ROBO1: variants seen among roughly 807,000 people sequenced by gnomAD.
ROBO1 encodes roundabout guidance receptor 1.
A neutral mutation model predicts 195.9 loss-of-function variants in ROBO1; 149 were observed. The observed-to-expected ratio is 0.76, with a 90% CI of 0.67 to 0.87. ROBO1 has a LOEUF of 0.87. Ranked by LOEUF, ROBO1 falls within the 40% of genes least tolerant of loss-of-function variation. The pLI is 0.00. For synonymous variants in ROBO1, 816 were observed against 733.2 expected, an observed-to-expected ratio of 1.11 and a Z score of -1.82; for missense variants, 1,933 against 2,068.3, an observed-to-expected ratio of 0.93 and a Z score of 1.27.
At chr3:79,364,959 C>G (rs781614697) in intron 2 of ROBO1, among the ~76,000 whole-genome samples, 7 of 152,170 alleles carry the variant, frequency 4.6e-5, no homozygotes, top group Non-Finnish European at 7.3e-5. Context: ...GGAATACCCT[C>G]TTTCTGAATA....
Position 78,636,120 on chromosome 3 carries a change from G to A in ROBO1, c.3038-12C>T. On this transcript the variant is annotated splice_polypyrimidine_tract_variant and intron_variant, in intron 22 of 30. Coordinates refer to ENST00000464233, the MANE Select transcript of ROBO1 (RefSeq NM_002941.4). ...TGCTATACAATCAGCTATGTGCAAT[G>A]GAGAGGAAAAGGAAAAAATCATTCT... The A allele has an allele frequency of 6.4e-7, 1 of 1,569,524 alleles. No homozygotes were observed. Among genetic ancestry groups the A allele is most frequent in the Non-Finnish European group, 8.7e-7 (1 of 1,150,146 alleles).
At chr3:79,038,073 C>G (rs1241962970) in intron 3 of ROBO1, among the ~76,000 whole-genome samples, 1 of 152,078 alleles carries the variant, frequency 6.6e-6, no homozygotes, top group Non-Finnish European at 1.5e-5. Flanking sequence ...CTTTACAGCT[C>G]TTAACTATTG....
chr3:79,052,920 C>T (rs761496013), intron 3 of ROBO1, among the ~76,000 whole-genome samples: 4 of 152,090 alleles, frequency 2.6e-5, no homozygotes, highest in Non-Finnish European at 4.4e-5. Flanking sequence ...AGAGTCTAAA[C>T]ATCATGCTTA....
chr3:79,142,176 C>A (rs1039715566), intron 2 of ROBO1, among the ~76,000 whole-genome samples: 1 of 151,974 alleles, frequency 6.6e-6, no homozygotes, highest in African/African-American at 2.4e-5. Context: ...GGATTATGAA[C>A]AAAAAACATA....
intron 3 of ROBO1, among the ~76,000 whole-genome samples, chr3:79,074,349 A>T (rs965858546): frequency 7.9e-5 from 12 of 152,084 alleles, no homozygotes; most frequent in African/African-American, 2.6e-4. Flanking sequence ...ATTTTATATC[A>T]TGAATGTCTT....
chr3:78,717,508 A>C (rs2108074414), intron 6 of ROBO1, 95 bp from the exon 7 acceptor site: 1 of 1,173,082 alleles, frequency 8.5e-7, no homozygotes, highest in South Asian at 1.4e-5. Context: ...TTTAATTTAA[A>C]ATATCAGCGA....
chr3:79,308,159 G>T (rs2033308503), intron 2 of ROBO1, among the ~76,000 whole-genome samples: 1 of 152,078 alleles, frequency 6.6e-6, no homozygotes, highest in Non-Finnish European at 1.5e-5. Flanking sequence ...GTAAGGAGTT[G>T]TTTTTTCCTA....
At chr3:79,403,275 C>T (rs2037430390) in intron 2 of ROBO1, among the ~76,000 whole-genome samples, 1 of 151,918 alleles carries the variant, frequency 6.6e-6, no homozygotes, top group Admixed American at 6.6e-5. Flanking sequence ...TCAGCATTTT[C>T]TTGTATTAAT....
intron 3 of ROBO1, among the ~76,000 whole-genome samples, chr3:79,047,944 G>T (rs998752699): frequency 1.3e-5 from 2 of 152,064 alleles, no homozygotes; most frequent in African/African-American, 4.8e-5. Context: ...AGGCATATAG[G>T]CATATATACT....
intron 1 of ROBO1, among the ~76,000 whole-genome samples, chr3:79,617,943 T>A: frequency 7.0e-6 from 1 of 142,754 alleles, no homozygotes; most frequent in Non-Finnish European, 1.5e-5. Context: ...AAAGAACTTC[T>A]GGAAATAAAA....
intron 4 of ROBO1, among the ~76,000 whole-genome samples, chr3:78,807,250 T>A (rs1206150139): frequency 1.3e-5 from 2 of 152,210 alleles, no homozygotes; most frequent in Non-Finnish European, 2.9e-5. Context: ...ATTCATTCAT[T>A]TTTATTACTA....
At chr3:79,077,728 C>T (rs916254833) in intron 3 of ROBO1, among the ~76,000 whole-genome samples, 1 of 151,656 alleles carries the variant, frequency 6.6e-6, no homozygotes, top group Non-Finnish European at 1.5e-5. Context: ...AGTAGGCTTA[C>T]AATTTAAAGG....
At chr3:79,482,886 CA>C (rs1342283767) in intron 2 of ROBO1, among the ~76,000 whole-genome samples, 2 of 152,098 alleles carry the variant, frequency 1.3e-5, no homozygotes, top group African/African-American at 4.8e-5. Context: ...ATTTTATCCT[CA>C]AGTCCATTTT....
chr3:79,502,812 C>G (rs570142315), intron 2 of ROBO1, among the ~76,000 whole-genome samples: 1 of 151,738 alleles, frequency 6.6e-6, no homozygotes, highest in East Asian at 1.9e-4. Context: ...GCTCAGGGTT[C>G]GTAAATACAC....
intron 25 of ROBO1, 112 bp downstream of exon 25, chr3:78,631,049 T>C (rs1427490767): frequency 1.1e-5 from 13 of 1,156,812 alleles, no homozygotes; most frequent in Non-Finnish European, 1.4e-5. Flanking sequence ...AAGGCAACTG[T>C]TTGTGGACCT....
chr3:78,799,150 A>G (rs2084277615), intron 4 of ROBO1, among the ~76,000 whole-genome samples: 1 of 152,096 alleles, frequency 6.6e-6, no homozygotes, highest in South Asian at 2.1e-4. Flanking sequence ...CCCCTTTTGT[A>G]GGTGGGAGAA....
At position 79,500,119 on chromosome 3, in the gene ROBO1, CTTTTTTTTTTTTT is replaced by C. The variant is rs57887981; in HGVS notation, c.88+89692_88+89704del. On this transcript the variant is annotated intron_variant, in intron 2 of 30. Coordinates refer to ENST00000464233, the MANE Select transcript of ROBO1 (RefSeq NM_002941.4). ...CATCCCATGCGGCAGTAAGTTTTCT[CTTTTTTTTTTTTT>C]TTTTTTTTTTTTTTTTGAGAAGAAG... Among the ~76,000 whole-genome samples the C allele has an allele frequency of 6.9e-5, 5 of 72,498 alleles. No homozygotes were observed. The South Asian group carries it at 2.0e-3, about 28-fold the overall frequency. 47.6% of individuals were successfully genotyped at this position (72,498 alleles called of 152,430 possible).
At chr3:79,533,145 AT>A (rs1370994770) in intron 2 of ROBO1, 2 of 423,604 alleles carry the variant, frequency 4.7e-6, no homozygotes, top group Non-Finnish European at 9.4e-6. Flanking sequence ...CTTTTATAAT[AT>A]GGAGGCTGCA....
chr3:78,776,188 T>C (rs767640318), intron 4 of ROBO1, among the ~76,000 whole-genome samples: 2 of 152,184 alleles, frequency 1.3e-5, no homozygotes, highest in Non-Finnish European at 2.9e-5. Context: ...GTTCAAAGAA[T>C]GACTAACTGA....
Sources: gnomAD v4.1 joint callset for allele counts (sites outside exome capture counted in the v4.1 genomes callset) on GRCh38, gnomAD v4.1.1 for gene constraint, MANE v1.5 for transcripts, NCBI Gene and HGNC (gene_info 2026-07-23, HGNC 2026-07-21) for gene names.